NLGN1: variants seen among roughly 807,000 people sequenced by gnomAD.
NLGN1 encodes the protein neuroligin-1.
In NLGN1, 12 loss-of-function variants were observed where a neutral mutation model predicts 65.5. That is an observed-to-expected ratio of 0.18 (90% CI 0.12 to 0.30). The LOEUF (loss-of-function observed/expected upper bound fraction) is 0.30, where lower values mean the gene tolerates loss of function less well. Among genes scored for constraint, NLGN1 ranks in the 10% least tolerant of loss-of-function variants. The pLI is 1.00. For synonymous variants in NLGN1, 350 were observed against 359.5 expected, an observed-to-expected ratio of 0.97 and a Z score of 0.30; for missense variants, 750 against 1,007.1, an observed-to-expected ratio of 0.74 and a Z score of 3.46.
intron 4 of NLGN1, among the ~76,000 whole-genome samples, chr3:174,224,262 A>T (rs534845097): frequency 2.0e-5 from 3 of 152,312 alleles, no homozygotes; most frequent in African/African-American, 7.2e-5. Flanking sequence ...CATACAGAAA[A>T]TGTTCTTATT....
rs536353381 is a variant in NLGN1 at position 173,622,389 on chromosome 3, C to G, written c.493+17298C>G. 2.2e-4 allele frequency among the ~76,000 whole-genome samples: 33 copies of G among 152,122 alleles called. 1 individual carries two copies. The highest frequency in any genetic ancestry group is 1.2e-3 in the Admixed American group (19 of 15,252). On this transcript the variant is annotated intron_variant, in intron 3 of 6. Transcript: ENST00000457714. ...ACTGGTTAGGCTGTTTCCTGAGACT[C>G]ATACACCTAGATCATTAAAACCACA...
chr3:173,596,716 G>C (rs1341747374), intron 2 of NLGN1, among the ~76,000 whole-genome samples: 3 of 152,050 alleles, frequency 2.0e-5, no homozygotes, highest in Non-Finnish European at 4.4e-5. Context: ...TCATGACATG[G>C]GTCCTAGCAT....
chr3:174,226,243 G>A (rs1212693768), intron 4 of NLGN1, among the ~76,000 whole-genome samples: 1 of 152,000 alleles, frequency 6.6e-6, no homozygotes, highest in African/African-American at 2.4e-5. Flanking sequence ...CTAATTGAAG[G>A]CATATGATAG....
At chr3:173,489,650 G>C (rs1184333931) in intron 2 of NLGN1, among the ~76,000 whole-genome samples, 1 of 152,016 alleles carries the variant, frequency 6.6e-6, no homozygotes, top group African/African-American at 2.4e-5. Flanking sequence ...GATCCCTGAG[G>C]AATCGCCACA....
chr3:173,504,962 A>C (rs549994508), intron 2 of NLGN1, among the ~76,000 whole-genome samples: 5 of 152,186 alleles, frequency 3.3e-5, no homozygotes, highest in South Asian at 2.1e-4. Flanking sequence ...GAGATTTCAG[A>C]GCCTGTTTGA....
intron 4 of NLGN1, among the ~76,000 whole-genome samples, chr3:173,884,997 C>G (rs1010644302): frequency 6.6e-6 from 1 of 152,066 alleles, no homozygotes; most frequent in African/African-American, 2.4e-5. Flanking sequence ...CTCATACATA[C>G]AAGCCCACTC....
At chr3:173,668,619 C>CTTT (rs34649854) in intron 3 of NLGN1, among the ~76,000 whole-genome samples, 1 of 132,748 alleles carries the variant, frequency 7.5e-6, no homozygotes, top group Admixed American at 7.6e-5. Context: ...CTTTTCTTTT[C>CTTT]TTTTTTTTTT....
At position 173,710,556 on chromosome 3, in the gene NLGN1, A is replaced by G. The variant is rs544296524; in HGVS notation, c.494-97124A>G. On this transcript the variant is annotated intron_variant, in intron 3 of 6. Transcript: ENST00000457714. Reference sequence around the variant, plus strand: ...TAATTTCCTAGGACTTGGTTTATGAATACTTGGTAAGTCTATGCCTGCAAC... The same window carrying G: ...TAATTTCCTAGGACTTGGTTTATGAGTACTTGGTAAGTCTATGCCTGCAAC... Among the ~76,000 whole-genome samples the G allele has an allele frequency of 3.9e-5, 6 of 152,334 alleles. No homozygotes were observed. The South Asian group carries it at 8.3e-4, about 21-fold the overall frequency.
chr3:173,757,522 A>G (rs1412781038), intron 3 of NLGN1, among the ~76,000 whole-genome samples: 1 of 152,022 alleles, frequency 6.6e-6, no homozygotes, highest in Non-Finnish European at 1.5e-5. Flanking sequence ...GTAGAACATT[A>G]TAGAAACAAT....
chr3:173,418,848 A>G (rs1486323832), intron 1 of NLGN1, among the ~76,000 whole-genome samples: 1 of 151,928 alleles, frequency 6.6e-6, no homozygotes, highest in Non-Finnish European at 1.5e-5. Context: ...GTGTTTTGTT[A>G]TTAAGTATGA....
intron 3 of NLGN1, among the ~76,000 whole-genome samples, chr3:173,759,232 A>G (rs776671615): frequency 1.3e-4 from 20 of 151,906 alleles, no homozygotes; most frequent in Non-Finnish European, 2.6e-4. Context: ...TTTTCTATGC[A>G]TCTTCCTTTC....
chr3:174,089,380 A>G (rs1242437285), intron 4 of NLGN1, among the ~76,000 whole-genome samples: 3 of 152,144 alleles, frequency 2.0e-5, no homozygotes, highest in Non-Finnish European at 4.4e-5. Context: ...TCCTTCCACT[A>G]AAACTTGAGC....
At chr3:173,446,945 T>C (rs1341873972) in intron 2 of NLGN1, among the ~76,000 whole-genome samples, 3 of 152,194 alleles carry the variant, frequency 2.0e-5, no homozygotes, top group Non-Finnish European at 2.9e-5. Flanking sequence ...TTTGAGTTCA[T>C]TGTAGATTCT....
intron 4 of NLGN1, among the ~76,000 whole-genome samples, chr3:173,863,747 T>C (rs1185824195): frequency 1.3e-5 from 2 of 152,208 alleles, no homozygotes; most frequent in South Asian, 2.1e-4. Context: ...GATGTGGCTG[T>C]ATGCAAATCA....
At chr3:173,407,016 A>C (rs1718827152) in intron 1 of NLGN1, among the ~76,000 whole-genome samples, 1 of 152,110 alleles carries the variant, frequency 6.6e-6, no homozygotes, top group South Asian at 2.1e-4. Flanking sequence ...GTTTCTATAA[A>C]ATTATTAATT....
At chr3:173,468,131 T>A (rs682652) in intron 2 of NLGN1, among the ~76,000 whole-genome samples, 115,748 of 151,964 alleles carry the variant, frequency 0.76, 46,051 homozygotes, top group East Asian at 0.97. Flanking sequence ...CCGCGGGCTG[T>A]GCTTTATTCA....
intron 4 of NLGN1, among the ~76,000 whole-genome samples, chr3:174,095,953 TC>T (rs1380892196): frequency 6.6e-6 from 1 of 151,818 alleles, no homozygotes; most frequent in African/African-American, 2.4e-5. Flanking sequence ...TGAGCCAAGA[TC>T]GCGCCACTGC....
intron 4 of NLGN1, among the ~76,000 whole-genome samples, chr3:174,067,757 T>A (rs1738950960): frequency 6.6e-6 from 1 of 152,122 alleles, no homozygotes; most frequent in Non-Finnish European, 1.5e-5. Flanking sequence ...AGATATCCTT[T>A]AAAAATGGAA....
intron 4 of NLGN1, among the ~76,000 whole-genome samples, chr3:173,829,817 A>G (rs59918253): frequency 0.02 from 2,968 of 152,108 alleles, 111 homozygotes; most frequent in East Asian, 0.18. Flanking sequence ...TTGCCTTCCA[A>G]AAGTTGATAT....
Sources: allele counts gnomAD v4.1 joint callset (sites outside exome capture counted in the v4.1 genomes callset), GRCh38; gene constraint gnomAD v4.1.1; transcripts MANE v1.5; gene names NCBI Gene and HGNC (gene_info 2026-07-23, HGNC 2026-07-21).